The following KDM2B variants were observed in gnomAD, a reference collection of about 807,000 sequenced individuals.
KDM2B encodes the protein lysine demethylase 2B.
A neutral mutation model predicts 150.0 loss-of-function variants in KDM2B; 26 were observed. The observed-to-expected ratio is 0.17, with a 90% CI of 0.13 to 0.24. The LOEUF (loss-of-function observed/expected upper bound fraction) is 0.24, where lower values mean the gene tolerates loss of function less well. Among genes scored for constraint, KDM2B ranks in the 10% least tolerant of loss-of-function variants. The probability of loss-of-function intolerance (pLI) is 1.00; values close to 1 mark genes in which losing one functional copy is unlikely to be tolerated. For missense variants in KDM2B, 1,265 were observed against 1,816.9 expected (o/e 0.70, Z 5.52); for synonymous variants, 734 against 729.5 (o/e 1.01, Z -0.10).
At chr12:121,556,784 G>A (rs1421217051) in intron 4 of KDM2B, among the ~76,000 whole-genome samples, 8 of 151,736 alleles carry the variant, frequency 5.3e-5, no homozygotes, top group African/African-American at 1.2e-4. Flanking sequence ...TCCAGGAAGC[G>A]GAGGTTGCAG....
the KDM2B span, chr12:121,420,324 C>T: frequency 2.6e-6 from 4 of 1,567,956 alleles, no homozygotes; most frequent in South Asian, 3.5e-5. Context: ...GAAGAAAACG[C>T]AGAGGATCGG....
rs1483818828 is a variant in KDM2B at position 121,467,382 on chromosome 12, G to A, written c.1735-14038C>T. 21 of 980,026 alleles carry A rather than the reference G, an allele frequency of 2.1e-5. No individual in the cohort carries two copies. The highest frequency in any genetic ancestry group is 1.1e-4 in the East Asian group (1 of 8,710). 60.7% of individuals were successfully genotyped at this position (980,026 alleles called of 1,614,324 possible). Reference sequence around the variant, plus strand: ...GCGCGCCTCGCACGCCCGCGCTGGAGGGGGCGGGGAGGGGCCGGCGGGGGA... The same window carrying A: ...GCGCGCCTCGCACGCCCGCGCTGGAAGGGGCGGGGAGGGGCCGGCGGGGGA... On this transcript the variant is annotated intron_variant, in intron 12 of 22. Transcript: ENST00000377071. The surrounding 1 kb of genome is among the most constrained non-coding windows in gnomAD (Gnocchi z 5.1).
chr12:121,500,078 G>A (rs1418094410), intron 11 of KDM2B, among the ~76,000 whole-genome samples: 1 of 152,082 alleles, frequency 6.6e-6, no homozygotes, highest in African/African-American at 2.4e-5. Context: ...ACCAGGGGGC[G>A]CCCTGGGCTC....
At chr12:121,444,655 AT>A (rs1430505524) in intron 14 of KDM2B, 119 bp from the exon 15 acceptor site, 1 of 803,856 alleles carries the variant, frequency 1.2e-6, no homozygotes, top group East Asian at 2.6e-5. Context: ...CGTCACATCT[AT>A]CCCGTTTCCA....
At chr12:121,516,640 T>G in intron 9 of KDM2B, 1 of 785,498 alleles carries the variant, frequency 1.3e-6, no homozygotes. Context: ...AGGCATGCAA[T>G]GCTCCCAGCC....
chr12:121,574,527 A>G lies in KDM2B; in HGVS notation c.397+20T>C, dbSNP rs782353252. 1 of 1,612,974 alleles carries G rather than the reference A, an allele frequency of 6.2e-7. No individual in the cohort carries two copies. Among genetic ancestry groups the G allele is most frequent in the Non-Finnish European group, 8.5e-7 (1 of 1,179,274 alleles). ...CCCTACTTCAGCATGTCTGAGCCAC[A>G]CACACGGCAAGCGACTTACCCACTA... On this transcript the variant is annotated intron_variant, in intron 4 of 22. Coordinates refer to ENST00000377071, the MANE Select transcript of KDM2B (RefSeq NM_032590.5).
At chr12:121,422,370 G>A in the KDM2B span, among the ~76,000 whole-genome samples, 1 of 152,154 alleles carries the variant, frequency 6.6e-6, no homozygotes, top group Non-Finnish European at 1.5e-5. Flanking sequence ...GCTTTCCTAA[G>A]TTCTAAAGAG....
rs1250682320 is a variant in KDM2B at position 121,468,161 on chromosome 12, G to C, written c.1735-14817C>G. ...GAAAGGTGGAGGACGTCGCAGGCCA[G>C]AACCCAGCTCTCCTAGGAGACTGGC... On this transcript the variant is annotated intron_variant, in intron 12 of 22. Coordinates refer to ENST00000377071, the MANE Select transcript of KDM2B (RefSeq NM_032590.5). This position sits in a 1 kb window ranked among gnomAD's most constrained non-coding sequence, Gnocchi z 4.0. 2.0e-5 allele frequency: 3 copies of C among 152,340 alleles called. No homozygotes were observed. The highest frequency in any genetic ancestry group is 4.4e-5 in the Non-Finnish European group (3 of 68,160). The allele number at this position is 152,340 out of a possible 1,614,324, so 9.4% of individuals were successfully genotyped here.
chr12:121,543,640 A>G (rs1246421436), intron 6 of KDM2B, among the ~76,000 whole-genome samples: 5 of 152,076 alleles, frequency 3.3e-5, no homozygotes, highest in African/African-American at 9.7e-5. Context: ...CCTGGCCAAC[A>G]TGGTGAAACC....
chr12:121,524,709 G>A (rs782505902), intron 8 of KDM2B: 2 of 454,088 alleles, frequency 4.4e-6, no homozygotes, highest in South Asian at 1.6e-5. Context: ...AGCCCAGGAA[G>A]CATGAGAGCC....
intron 11 of KDM2B, among the ~76,000 whole-genome samples, chr12:121,502,804 A>G (rs954614684): frequency 1.3e-5 from 2 of 148,504 alleles, no homozygotes; most frequent in Non-Finnish European, 3.0e-5. Flanking sequence ...TGAACTGAGC[A>G]TGGTATCGCA....
intron 4 of KDM2B, among the ~76,000 whole-genome samples, chr12:121,566,360 G>A (rs570559001): frequency 2.0e-5 from 3 of 152,096 alleles, no homozygotes; most frequent in African/African-American, 7.2e-5. Flanking sequence ...AGTGGCTCAC[G>A]CCTGTAATCC....
chr12:121,512,610 G>A (rs551259109), intron 10 of KDM2B, among the ~76,000 whole-genome samples: 1 of 152,224 alleles, frequency 6.6e-6, no homozygotes, highest in South Asian at 2.1e-4. Context: ...ACGCAGCCGA[G>A]AGGAATCACG....
intron 12 of KDM2B, among the ~76,000 whole-genome samples, chr12:121,463,609 C>T (rs1951626626): frequency 1.3e-5 from 2 of 152,120 alleles, no homozygotes; most frequent in African/African-American, 4.8e-5. Flanking sequence ...GAGAAAGGGT[C>T]TTACTCTGTC....
rs190700424 is a variant in KDM2B at position 121,446,631 on chromosome 12, G to A, written c.1960-1213C>T. ...ATTATTTTTACTTGAAGGAATGACT[G>A]ATAGAAACCCCCTGGACACTGGTGT... On this transcript the variant is annotated intron_variant, in intron 13 of 22. Coordinates refer to ENST00000377071, the MANE Select transcript of KDM2B (RefSeq NM_032590.5). Among the ~76,000 whole-genome samples, 304 of 152,272 alleles carry A rather than the reference G, an allele frequency of 2.0e-3. 3 individuals are homozygous for A. The highest frequency in any genetic ancestry group is 7.0e-3 in the African/African-American group (290 of 41,562).
chr12:121,443,843 C>T, intron 16 of KDM2B, 50 bp from the exon 17 acceptor site: 1 of 1,410,564 alleles, frequency 7.1e-7, no homozygotes, highest in East Asian at 2.3e-5. Flanking sequence ...TTTTCCCCTC[C>T]TTTCTTTGGG....
chr12:121,443,126 G>T, intron 17 of KDM2B, 96 bp from the exon 18 acceptor site: 1 of 1,251,210 alleles, frequency 8.0e-7, no homozygotes, highest in South Asian at 1.3e-5. Context: ...ACAGTCTCCA[G>T]AGGAGGGGCT....
At chr12:121,501,292 T>C (rs530255472) in intron 11 of KDM2B, among the ~76,000 whole-genome samples, 2 of 152,082 alleles carry the variant, frequency 1.3e-5, no homozygotes, top group Non-Finnish European at 1.5e-5. Flanking sequence ...GGCACGAGAA[T>C]TGCTTGAACC....
At chr12:121,483,736 CAA>C (rs1222503276) in intron 12 of KDM2B, among the ~76,000 whole-genome samples, 5 of 141,584 alleles carry the variant, frequency 3.5e-5, no homozygotes, top group East Asian at 2.1e-4. Flanking sequence ...CACACACACA[CAA>C]ACACAAAATG....
Sources: allele counts gnomAD v4.1 joint callset (sites outside exome capture counted in the v4.1 genomes callset), GRCh38; gene constraint gnomAD v4.1.1; non-coding constraint Gnocchi (gnomAD v3.1); transcripts MANE v1.5; gene names NCBI Gene and HGNC (gene_info 2026-07-23, HGNC 2026-07-21).